SAMMSON: variants seen among roughly 807,000 people sequenced by gnomAD.
The protein encoded by SAMMSON is survival associated mitochondrial melanoma specific oncogenic non-coding RNA, also known as long intergenic non-protein coding RNA 1212.
At chr3:70,112,507 T>G (rs2106661592) in intron 4 of SAMMSON, among the ~76,000 whole-genome samples, 1 of 152,090 alleles carries the variant, frequency 6.6e-6, no homozygotes, top group Non-Finnish European at 1.5e-5. Context: ...ATTATATGAG[T>G]TAGCCTGAAA....
rs1337859234 is a variant in SAMMSON at position 70,174,384 on chromosome 3, G to T, written n.508-74723G>T. 1.5e-4 allele frequency among the ~76,000 whole-genome samples: 23 copies of T among 151,964 alleles called. 1 individual carries two copies. Among genetic ancestry groups the T allele is most frequent in the Admixed American group, 1.4e-3 (22 of 15,232 alleles). ...GTGGTTAAATAGGGAGTGAAGTGTT[G>T]GTTGCTTTATGAAGCAGTTGTATCT... is the stretch of plus-strand genomic sequence containing the variant. On this transcript the variant is annotated intron_variant and non_coding_transcript_variant, in intron 4 of 9. Coordinates refer to ENST00000642114, the Ensembl canonical transcript of SAMMSON.
chr3:70,420,396 T>C (rs1164540989), intron 2 of SAMMSON, among the ~76,000 whole-genome samples: 1 of 152,192 alleles, frequency 6.6e-6, no homozygotes, highest in Non-Finnish European at 1.5e-5. Flanking sequence ...ATAATATGAT[T>C]CTGCTCTGAA....
intron 3 of SAMMSON, among the ~76,000 whole-genome samples, chr3:70,056,435 C>A (rs761034412): frequency 6.6e-6 from 1 of 151,976 alleles, no homozygotes; most frequent in South Asian, 2.1e-4. Context: ...GTTCATCAAC[C>A]GTTCGGCTAC....
At chr3:70,012,160 C>A (rs953947945) in intron 1 of SAMMSON, among the ~76,000 whole-genome samples, 1 of 152,090 alleles carries the variant, frequency 6.6e-6, no homozygotes, top group African/African-American at 2.4e-5. Flanking sequence ...TATTTTCAAG[C>A]AGCAGTGTCT....
chr3:70,124,786 G>T (rs2067448879), intron 4 of SAMMSON, among the ~76,000 whole-genome samples: 1 of 115,264 alleles, frequency 8.7e-6, no homozygotes, highest in Non-Finnish European at 1.6e-5. Flanking sequence ...GTGCACTCCA[G>T]CCCAGGCAAC....
intron 4 of SAMMSON, among the ~76,000 whole-genome samples, chr3:70,180,033 C>G (rs748727813): frequency 3.4e-5 from 5 of 146,706 alleles, no homozygotes; most frequent in African/African-American, 1.3e-4. Context: ...TGTGTGCGCG[C>G]ACGTGTGTGT....
At chr3:70,307,104 C>T (rs561634529) in intron 7 of SAMMSON, among the ~76,000 whole-genome samples, 3 of 152,230 alleles carry the variant, frequency 2.0e-5, no homozygotes, top group Admixed American at 2.0e-4. Flanking sequence ...GATACACCCT[C>T]CTAGAACAGA....
chr3:70,346,397 C>G (rs1462406651), intron 7 of SAMMSON, among the ~76,000 whole-genome samples: 1 of 151,374 alleles, frequency 6.6e-6, no homozygotes, highest in Admixed American at 6.6e-5. Flanking sequence ...ATAGCCTTTC[C>G]AAGAAGTTTT....
At chr3:70,197,236 G>A in intron 4 of SAMMSON, 1 of 398,192 alleles carries the variant, frequency 2.5e-6, no homozygotes, top group Non-Finnish European at 4.4e-6. Flanking sequence ...GGGCGTCTAT[G>A]AAGGACAGGC....
intron 7 of SAMMSON, among the ~76,000 whole-genome samples, chr3:70,318,295 T>C (rs958629397): frequency 3.3e-5 from 5 of 151,992 alleles, no homozygotes; most frequent in African/African-American, 4.8e-5. Context: ...ATAGAGGCTT[T>C]GATCATTTTT....
intron 4 of SAMMSON, among the ~76,000 whole-genome samples, chr3:70,134,331 G>A (rs2067497003): frequency 6.7e-6 from 1 of 149,192 alleles, no homozygotes; most frequent in African/African-American, 2.5e-5. Flanking sequence ...CTGATACATA[G>A]AAAGTATTCA....
chr3:70,179,268 G>A (rs1701032389), intron 4 of SAMMSON, among the ~76,000 whole-genome samples: 1 of 152,140 alleles, frequency 6.6e-6, no homozygotes, highest in African/African-American at 2.4e-5. Context: ...CTTAAACCTT[G>A]GTTCCCCTTC....
chr3:70,028,175 C>CT (rs879602353), intron 3 of SAMMSON, among the ~76,000 whole-genome samples: 1,529 of 137,146 alleles, frequency 0.011, 18 homozygotes, highest in Non-Finnish European at 0.016. Flanking sequence ...TCCTTCCTTC[C>CT]TTCCTTCCTT....
intron 4 of SAMMSON, among the ~76,000 whole-genome samples, chr3:70,186,799 T>A (rs1701095477): frequency 6.6e-6 from 1 of 152,234 alleles, no homozygotes; most frequent in African/African-American, 2.4e-5. Flanking sequence ...ATTTGTCTCT[T>A]GCCATTCTTT....
intron 4 of SAMMSON, among the ~76,000 whole-genome samples, chr3:70,161,533 G>A (rs2067615236): frequency 6.6e-6 from 1 of 151,840 alleles, no homozygotes; most frequent in Non-Finnish European, 1.5e-5. Context: ...ACTTGGTTGT[G>A]TTAATTCTTT....
intron 4 of SAMMSON, among the ~76,000 whole-genome samples, chr3:70,188,715 C>T (rs887668503): frequency 1.3e-5 from 2 of 152,164 alleles, no homozygotes; most frequent in Non-Finnish European, 2.9e-5. Flanking sequence ...AAAGACTTGG[C>T]TGAATCATCT....
At chr3:70,124,814 CAAAAAAAAAAAAAAA>C (rs1208323683) in intron 4 of SAMMSON, among the ~76,000 whole-genome samples, 16 of 53,698 alleles carry the variant, frequency 3.0e-4, no homozygotes, top group Admixed American at 2.8e-3. Flanking sequence ...GACTCCATCT[CAAAAAAAAAAAAAAA>C]AAAAAAAAAA....
chr3:70,209,246 C>T (rs1219657353), intron 4 of SAMMSON, among the ~76,000 whole-genome samples: 4 of 151,888 alleles, frequency 2.6e-5, no homozygotes, highest in East Asian at 3.9e-4. Flanking sequence ...TTAGTGGTAT[C>T]GTAGTCTTTT....
chr3:70,215,715 A>G (rs910534255), intron 4 of SAMMSON, among the ~76,000 whole-genome samples: 1 of 152,158 alleles, frequency 6.6e-6, no homozygotes, highest in Non-Finnish European at 1.5e-5. Context: ...GAGGAAATAC[A>G]TAAGCCATTC....
Sources: gnomAD v4.1 joint callset for allele counts (sites outside exome capture counted in the v4.1 genomes callset) on GRCh38, gnomAD v4.1.1 for gene constraint, MANE v1.5 for transcripts, NCBI Gene and HGNC (gene_info 2026-07-23, HGNC 2026-07-21) for gene names.